Variants in ZIC4 observed in about 807,000 individuals in gnomAD.
The protein encoded by ZIC4 is Zic family zinc finger 4, also known as zinc finger protein ZIC 4.
In ZIC4, 15 loss-of-function variants were observed where a neutral mutation model predicts 28.8. The ratio of observed to expected loss-of-function variants is 0.52; its 90% CI spans 0.35 to 0.80. The LOEUF (loss-of-function observed/expected upper bound fraction) is 0.80, where lower values mean the gene tolerates loss of function less well. Among genes scored for constraint, ZIC4 ranks in the 30% least tolerant of loss-of-function variants. The pLI, the probability that ZIC4 is intolerant of heterozygous loss-of-function variation, is 0.01. For missense variants in ZIC4, 512 were observed against 467.1 expected, an observed-to-expected ratio of 1.10 and a Z score of -0.89; for synonymous variants, 220 against 198.1, an observed-to-expected ratio of 1.11 and a Z score of -0.93.
intron 4 of ZIC4, chr3:147,389,101 G>A: frequency 1.8e-6 from 1 of 570,512 alleles, no homozygotes; most frequent in East Asian, 2.9e-5. Context: ...GTTGTTTGTT[G>A]CCGACTGCCC....
rs774948759 is a variant in ZIC4, at chr3:147,390,994, C to T, written c.941G>A (p.Gly314Asp). ...CGAGGAGGCCACCTGGGACTTGTGG[C>T]CGCAGTCCGACGAGGGCGACACGAG... ...SALVSPSSDCGHKSQVASSAA... is the reference protein window; with the variant it reads ...SALVSPSSDCDHKSQVASSAA... Residue 314 changes from glycine to aspartate, a missense_variant, in exon 4 of 5, where the codon GGC becomes GAC. Gly to Asp is a moderately conservative substitution (Grantham distance 94, BLOSUM62 -1). Around this residue, in one of 3 missense-constraint regions of ZIC4, gnomAD observed 144 missense variants for 116.8 expected, o/e 1.23. Coordinates refer to ENST00000383075, the MANE Select transcript of ZIC4 (RefSeq NM_032153.6). The T allele has an allele frequency of 1.2e-6, 2 of 1,613,142 alleles. No homozygotes were observed. The highest frequency in any genetic ancestry group is 2.2e-5 in the East Asian group (1 of 44,870).
At chr3:147,402,707 C>A in intron 2 of ZIC4, 21 bp downstream of exon 2, 1 of 1,575,130 alleles carries the variant, frequency 6.3e-7, no homozygotes, top group East Asian at 2.3e-5. Flanking sequence ...AACCAATATT[C>A]AAAGGAGGAT....
At chr3:147,392,241 G>GA (rs1383332575) in intron 3 of ZIC4, 7 of 968,182 alleles carry the variant, frequency 7.2e-6, no homozygotes, top group Non-Finnish European at 8.6e-6. Flanking sequence ...GCTTCGGGAA[G>GA]AAAACAGCTG....
chr3:147,395,920 G>C lies in ZIC4; in HGVS notation c.620C>G (p.Pro207Arg), dbSNP rs2087030886. 6.2e-7 allele frequency: 1 copy of C among 1,614,152 alleles called. No individual in the cohort carries two copies. Among genetic ancestry groups the C allele is most frequent in the Non-Finnish European group, 8.5e-7 (1 of 1,180,062 alleles). Reference protein sequence around the residue: ...VHTGEKPFPCPFPGCGKVFAR... With the variant: ...VHTGEKPFPCRFPGCGKVFAR... The stretch of plus-strand genomic sequence containing the variant: ...AAAGACCTTCCCACACCCCGGGAAA[G>C]GACAAGGGAAGGGCTTCTCGCCCGT... Residue 207 changes from proline to arginine, a missense_variant, in exon 3 of 5, where the codon CCT becomes CGT. Coordinates refer to ENST00000383075, the MANE Select transcript of ZIC4 (RefSeq NM_032153.6).
chr3:147,391,909 C>G, intron 3 of ZIC4: 16 of 917,982 alleles, frequency 1.7e-5, no homozygotes, highest in Non-Finnish European at 2.0e-5. Flanking sequence ...GAATGGAGCC[C>G]CCTCCCTCTT....
intron 3 of ZIC4, among the ~76,000 whole-genome samples, chr3:147,394,253 TTTG>T (rs1382551204): frequency 2.0e-5 from 3 of 151,686 alleles, no homozygotes; most frequent in Admixed American, 6.6e-5. Flanking sequence ...TTTGTTTTTG[TTTG>T]TTGTTTCCCC....
intron 2 of ZIC4, 38 bp downstream of exon 2, chr3:147,402,690 A>G: frequency 6.5e-7 from 1 of 1,530,522 alleles, no homozygotes; most frequent in Admixed American, 2.1e-5. Context: ...AAGAAAAGAA[A>G]CCAGCAAACC....
At position 147,396,062 on chromosome 3, in the gene ZIC4, C is replaced by A; in HGVS notation, c.478G>T (p.Val160Leu). ...TGTTCCGGGCCGCCGACGTGCTCCA[C>A]GGTGACGTGCGTGACCAGCTCGTGC... is the stretch of plus-strand genomic sequence containing the variant. ...TMHELVTHVT[V>L]EHVGGPEQAN... The change falls in exon 3 of 5, where the codon GTG (valine) becomes TTG (leucine). Residue 160 changes from valine to leucine, a missense_variant. Physicochemically the swap from Val to Leu is conservative, Grantham distance 32. Coordinates refer to ENST00000383075, the MANE Select transcript of ZIC4 (RefSeq NM_032153.6). The surrounding 1 kb of genome is among the most constrained non-coding windows in gnomAD (Gnocchi z 4.2). The A allele has an allele frequency of 6.2e-7, 1 of 1,614,248 alleles. No homozygotes were observed. The highest frequency in any genetic ancestry group is 8.5e-7 in the Non-Finnish European group (1 of 1,180,058).
intron 3 of ZIC4, chr3:147,393,846 C>G (rs1288876253): frequency 2.2e-6 from 1 of 455,986 alleles, no homozygotes; most frequent in Admixed American, 2.4e-5. Flanking sequence ...CCGCGCCTCC[C>G]TCCCCGAGGC....
At chr3:147,403,897 C>T (rs555808417) in intron 1 of ZIC4, 48 of 1,445,002 alleles carry the variant, frequency 3.3e-5, no homozygotes, top group Middle Eastern at 1.9e-4. Flanking sequence ...ACTGGCTTGG[C>T]GGCTTTTACC....
At chr3:147,394,084 A>C (rs890361194) in intron 3 of ZIC4, 6 of 408,438 alleles carry the variant, frequency 1.5e-5, no homozygotes, top group South Asian at 8.9e-5. Flanking sequence ...ATTTGTAGTG[A>C]GGTCTATTGC....
At chr3:147,398,254 G>A (rs2087092449) in intron 2 of ZIC4, among the ~76,000 whole-genome samples, 1 of 152,220 alleles carries the variant, frequency 6.6e-6, no homozygotes, top group African/African-American at 2.4e-5. Context: ...GGATTTAAGG[G>A]TGACTTCCAC....
intron 1 of ZIC4, chr3:147,406,052 C>G (rs2087270462): frequency 6.2e-6 from 1 of 160,682 alleles, no homozygotes; most frequent in Non-Finnish European, 1.4e-5. Flanking sequence ...CAACAAACTG[C>G]TCCTGGTTCC....
chr3:147,392,535 C>T, intron 3 of ZIC4: 1 of 776,104 alleles, frequency 1.3e-6, no homozygotes, highest in Non-Finnish European at 1.6e-6. Flanking sequence ...GGTTTCTGGG[C>T]GCTTTAAACA....
chr3:147,390,857 G>T (rs1359291068), intron 4 of ZIC4, 74 bp downstream of exon 4: 2 of 1,511,706 alleles, frequency 1.3e-6, no homozygotes, highest in Non-Finnish European at 8.9e-7. Context: ...GCAGCAGCAG[G>T]GCCAGGTGGT....
chr3:147,404,402 T>G, intron 1 of ZIC4: 1 of 708,948 alleles, frequency 1.4e-6, no homozygotes, highest in Non-Finnish European at 1.8e-6. Context: ...AGCGTTTCCA[T>G]CACACAGCCT....
At position 147,396,230 on chromosome 3, in the gene ZIC4, T is replaced by G; in HGVS notation, c.310A>C (p.Thr104Pro). ...CCGTGGGGCGCAGCGAGGTTCACCG[T>G]CAGGTTCATGCCCCCGTAGCCATGC... ...ALHGYGGMNL[T>P]VNLAAPHGPG... is the part of the protein sequence containing the mutation. Residue 104 changes from threonine to proline, a missense_variant, in exon 3 of 5, where the codon ACG becomes CCG. Thr to Pro is a conservative substitution (Grantham distance 38). Coordinates refer to ENST00000383075, the MANE Select transcript of ZIC4 (RefSeq NM_032153.6). This position sits in a 1 kb window ranked among gnomAD's most constrained non-coding sequence, Gnocchi z 4.2. 2 of 1,613,830 alleles carry G rather than the reference T, an allele frequency of 1.2e-6. No individual in the cohort carries two copies. The highest frequency in any genetic ancestry group is 1.1e-5 in the South Asian group (1 of 91,076).
Position 147,391,848 on chromosome 3 carries a change from G to T in ZIC4, c.689-602C>A, listed in dbSNP as rs1444794121. Reference sequence around the variant, plus strand: ...TGTGTGCATAAAGTGGATTCGTGCTGCAGGGAGAGGTATTCTGAGCAATGA... The same window carrying T: ...TGTGTGCATAAAGTGGATTCGTGCTTCAGGGAGAGGTATTCTGAGCAATGA... On this transcript the variant is annotated intron_variant, in intron 3 of 4. Coordinates refer to ENST00000383075, the MANE Select transcript of ZIC4 (RefSeq NM_032153.6). The T allele has an allele frequency of 2.5e-5, 12 of 474,354 alleles. No homozygotes were observed. The South Asian group carries it at 8.0e-4, about 32-fold the overall frequency. The allele number at this position is 474,354 out of a possible 1,614,324, so 29.4% of individuals were successfully genotyped here.
At chr3:147,393,727 C>A in intron 3 of ZIC4, 1 of 353,220 alleles carries the variant, frequency 2.8e-6, no homozygotes, top group Non-Finnish European at 5.6e-6. Flanking sequence ...ATCCCCAGCA[C>A]TGACTCGCCC....
Sources: allele counts gnomAD v4.1 joint callset (sites outside exome capture counted in the v4.1 genomes callset), GRCh38; gene constraint gnomAD v4.1.1; regional missense constraint gnomAD v4.1.1; non-coding constraint Gnocchi (gnomAD v3.1); transcripts MANE v1.5; gene names NCBI Gene and HGNC (gene_info 2026-07-23, HGNC 2026-07-21).